CCSER1: variants seen among roughly 807,000 people sequenced by gnomAD.
CCSER1 encodes the protein serine-rich coiled-coil domain-containing protein 1.
In CCSER1, 41 loss-of-function variants were observed where a neutral mutation model predicts 82.0. The ratio of observed to expected loss-of-function variants is 0.50; its 90% confidence interval spans 0.39 to 0.65. CCSER1 has a LOEUF of 0.65. Among genes scored for constraint, CCSER1 ranks in the 30% least tolerant of loss-of-function variants. CCSER1 has a pLI of 0.00. For missense variants in CCSER1, 1,119 were observed against 1,064.2 expected (o/e 1.05, Z -0.72); for synonymous variants, 414 against 383.9 (o/e 1.08, Z -0.92).
rs544711670 is a variant in CCSER1, at chr4:91,078,133, A to C, written c.2173-7817A>C. Among the ~76,000 whole-genome samples the C allele has an allele frequency of 4.6e-5, 7 of 152,348 alleles. No homozygotes were observed. The South Asian group carries it at 1.4e-3, about 32-fold the overall frequency. On this transcript the variant is annotated intron_variant, in intron 9 of 10. Coordinates refer to ENST00000509176, the MANE Select transcript of CCSER1 (RefSeq NM_001145065.2). Reference sequence around the variant, plus strand: ...CAGAGTTTGGGATCTGAGAACAGACAGACTGCCTCCTCAAGCAGGTTCCTG... The same window carrying C: ...CAGAGTTTGGGATCTGAGAACAGACCGACTGCCTCCTCAAGCAGGTTCCTG...
intron 5 of CCSER1, among the ~76,000 whole-genome samples, chr4:90,558,621 C>T (rs1302227816): frequency 6.6e-6 from 1 of 152,042 alleles, no homozygotes; most frequent in East Asian, 1.9e-4. Flanking sequence ...TAACTGAGTA[C>T]CTACTGCATA....
rs1764911452 is a variant in CCSER1 at position 91,604,927 on chromosome 4, G to T, written c.*5870G>T. 1 of 151,812 alleles carries T rather than the reference G, an allele frequency of 6.6e-6. No individual in the cohort carries two copies. Among genetic ancestry groups the T allele is most frequent in the African/African-American group, 2.4e-5 (1 of 41,382 alleles). 9.4% of individuals were successfully genotyped at this position (151,812 alleles called of 1,614,324 possible). ...CTCTCTTCCAAAAAAGAATGCAAGA[G>T]AATTGATTATCTTAGTTAGACCCCA... On this transcript the variant is annotated 3_prime_UTR_variant, in exon 11 of 11. Transcript: ENST00000509176.
rs550463423 is a variant in CCSER1, at chr4:91,470,307, TG to T, written c.2218-128263del. On this transcript the variant is annotated intron_variant, in intron 10 of 10. Transcript: ENST00000509176. ...TATGTTTTTAAAGCTAATATGCTAATGGAGAAGGTATCTAAATCCTTTGTAG... is the reference window on the plus strand; with the variant it reads ...TATGTTTTTAAAGCTAATATGCTAATGAGAAGGTATCTAAATCCTTTGTAG... Among the ~76,000 whole-genome samples, 336 of 152,324 alleles carry T rather than the reference TG, an allele frequency of 2.2e-3. 2 individuals are homozygous for T. The highest frequency in any genetic ancestry group is 7.6e-3 in the African/African-American group (317 of 41,576).
chr4:91,391,962 A>G (rs1751676909), intron 10 of CCSER1, among the ~76,000 whole-genome samples: 1 of 152,124 alleles, frequency 6.6e-6, no homozygotes, highest in African/African-American at 2.4e-5. Flanking sequence ...AAACATACAT[A>G]CATACAATAC....
At chr4:90,918,209 G>A in intron 8 of CCSER1, 1 of 454,556 alleles carries the variant, frequency 2.2e-6, no homozygotes. Context: ...ATTAATGTGT[G>A]TACATTTCTT....
rs557109772 is a variant in CCSER1 at position 91,035,699 on chromosome 4, T to C, written c.2173-50251T>C. Reference sequence around the variant, plus strand: ...ACAAAAAAGCAAAGTAGTAGGTAATTTTGGGTTTTCTAAACAGCCAACTCA... The same window carrying C: ...ACAAAAAAGCAAAGTAGTAGGTAATCTTGGGTTTTCTAAACAGCCAACTCA... On this transcript the variant is annotated intron_variant, in intron 9 of 10. Coordinates refer to ENST00000509176, the MANE Select transcript of CCSER1 (RefSeq NM_001145065.2). Among the ~76,000 whole-genome samples the C allele has an allele frequency of 2.7e-4, 41 of 152,240 alleles. No individual in the cohort carries two copies. In the South Asian group the frequency reaches 8.1e-3, roughly 30 times the overall value.
intron 10 of CCSER1, among the ~76,000 whole-genome samples, chr4:91,194,977 CATT>C (rs1380449009): frequency 6.6e-6 from 1 of 152,110 alleles, no homozygotes; most frequent in Non-Finnish European, 1.5e-5. Flanking sequence ...ACTTGAGTAT[CATT>C]ATATGAAGGA....
chr4:90,702,415 A>T lies in CCSER1; in HGVS notation c.1933-21499A>T, dbSNP rs1738351010. Among the ~76,000 whole-genome samples, 5 of 152,106 alleles carry T rather than the reference A, an allele frequency of 3.3e-5. No homozygotes were observed. The South Asian group carries it at 1.0e-3, about 32-fold the overall frequency. ...ATTTTTTCATCGATGTTCATCAGGG[A>T]TATTGGTCTAAAATTCTCTTTTTTT... On this transcript the variant is annotated intron_variant, in intron 6 of 10. Coordinates refer to ENST00000509176, the MANE Select transcript of CCSER1 (RefSeq NM_001145065.2).
chr4:90,522,932 C>T (rs1773313974), intron 5 of CCSER1, among the ~76,000 whole-genome samples: 2 of 152,010 alleles, frequency 1.3e-5, no homozygotes, highest in Non-Finnish European at 2.9e-5. Context: ...GGTTTTTCTA[C>T]AACCTCTATG....
chr4:90,926,056 A>G (rs1268540397), intron 9 of CCSER1, among the ~76,000 whole-genome samples: 1 of 151,990 alleles, frequency 6.6e-6, no homozygotes, highest in African/African-American at 2.4e-5. Context: ...TAAACTGTAC[A>G]ATTTCTCCCA....
At chr4:90,333,998 G>A (rs1429059410) in intron 3 of CCSER1, among the ~76,000 whole-genome samples, 2 of 152,178 alleles carry the variant, frequency 1.3e-5, no homozygotes, top group Non-Finnish European at 2.9e-5. Flanking sequence ...TCTATTGAAT[G>A]TAGTAATCTT....
intron 1 of CCSER1, among the ~76,000 whole-genome samples, chr4:90,298,974 G>A (rs564805811): frequency 6.6e-4 from 101 of 151,970 alleles, no homozygotes; most frequent in Non-Finnish European, 1.1e-3. Flanking sequence ...TCTGACCAAA[G>A]CCCATCTTTC....
At chr4:90,509,331 C>A (rs1278588311) in intron 5 of CCSER1, among the ~76,000 whole-genome samples, 1 of 152,068 alleles carries the variant, frequency 6.6e-6, no homozygotes, top group Non-Finnish European at 1.5e-5. Flanking sequence ...GAGACTTTGT[C>A]TACAGCACCT....
At chr4:91,093,291 G>A (rs1326536521) in intron 10 of CCSER1, among the ~76,000 whole-genome samples, 2 of 152,176 alleles carry the variant, frequency 1.3e-5, no homozygotes, top group Non-Finnish European at 2.9e-5. Context: ...GACTGGTCTC[G>A]AAGATCGAGT....
intron 1 of CCSER1, among the ~76,000 whole-genome samples, chr4:90,169,632 A>G (rs1449203020): frequency 2.6e-5 from 4 of 152,084 alleles, no homozygotes; most frequent in East Asian, 1.9e-4. Flanking sequence ...TGAAACTGCT[A>G]TAAACCATCA....
intron 1 of CCSER1, among the ~76,000 whole-genome samples, chr4:90,142,448 C>G (rs1350357863): frequency 3.3e-5 from 5 of 152,110 alleles, no homozygotes; most frequent in Non-Finnish European, 5.9e-5. Flanking sequence ...GGAATTAGCT[C>G]CAACATGATG....
chr4:90,741,103 GT>G (rs1349366939), intron 7 of CCSER1, among the ~76,000 whole-genome samples: 1 of 152,090 alleles, frequency 6.6e-6, no homozygotes, highest in Non-Finnish European at 1.5e-5. Flanking sequence ...CATGGGAAGA[GT>G]TCTGAATTAA....
At chr4:91,083,249 A>C (rs992190370) in intron 9 of CCSER1, among the ~76,000 whole-genome samples, 3 of 152,188 alleles carry the variant, frequency 2.0e-5, no homozygotes, top group Non-Finnish European at 4.4e-5. Context: ...TGATGAGTTC[A>C]TGTCCTTTAT....
intron 9 of CCSER1, among the ~76,000 whole-genome samples, chr4:90,958,664 G>T (rs148847187): frequency 3.3e-5 from 5 of 152,166 alleles, no homozygotes; most frequent in Non-Finnish European, 5.9e-5. Flanking sequence ...GCTCATGAGG[G>T]TGGAATTCTC....
Sources: gnomAD v4.1 joint callset for allele counts (sites outside exome capture counted in the v4.1 genomes callset) on GRCh38, gnomAD v4.1.1 for gene constraint, MANE v1.5 for transcripts, NCBI Gene and HGNC (gene_info 2026-07-23, HGNC 2026-07-21) for gene names.